The following RASSF3 variants were observed in gnomAD, a reference collection of about 807,000 sequenced individuals.
RASSF3 encodes Ras association domain family member 3, also known as ras association domain-containing protein 3.
A neutral mutation model predicts 19.9 loss-of-function variants in RASSF3; 19 were observed. The ratio of observed to expected loss-of-function variants is 0.96; its 90% confidence interval spans 0.67 to 1.40. RASSF3 has a LOEUF of 1.40. Among genes scored for constraint, RASSF3 ranks in the 40% most tolerant of loss-of-function variants. The pLI is 0.00. For missense variants in RASSF3, 306 were observed against 289.8 expected (o/e 1.06, Z -0.41); for synonymous variants, 110 against 104.2 (o/e 1.06, Z -0.34).
chr12:64,518,120 GAT>G (rs1378095708), intron 1 of RASSF3, among the ~76,000 whole-genome samples: 1 of 151,972 alleles, frequency 6.6e-6, no homozygotes, highest in Non-Finnish European at 1.5e-5. Flanking sequence ...TAATTAAAAA[GAT>G]AAAAAATTAA....
intron 1 of RASSF3, among the ~76,000 whole-genome samples, chr12:64,526,792 T>C (rs1868598192): frequency 6.6e-6 from 1 of 152,188 alleles, no homozygotes; most frequent in African/African-American, 2.4e-5. Context: ...GTGATCCTCT[T>C]GCCTTAGCCT....
chr12:64,517,662 G>A (rs951830498), intron 1 of RASSF3, among the ~76,000 whole-genome samples: 7 of 150,872 alleles, frequency 4.6e-5, no homozygotes, highest in East Asian at 3.9e-4. Context: ...TCTGTCACCC[G>A]GGCTGGGGTA....
At chr12:64,584,449 A>G (rs1869757279) in intron 2 of RASSF3, among the ~76,000 whole-genome samples, 1 of 142,722 alleles carries the variant, frequency 7.0e-6, no homozygotes, top group Non-Finnish European at 1.5e-5. Context: ...TCTCTCATCC[A>G]CTTTTTATAC....
chr12:64,658,106 G>T (rs551064085), intron 1 of RASSF3, among the ~76,000 whole-genome samples: 3 of 152,112 alleles, frequency 2.0e-5, no homozygotes, highest in African/African-American at 7.2e-5. Context: ...TAGAAGTGTG[G>T]GTGGTGTTAT....
rs1201651720 is a variant in RASSF3, at chr12:64,645,954, C to T, written c.111+35211C>T. Reference sequence around the variant, plus strand: ...CTTTTATCACCCTGAGTTAATGTTGCCGCATCTTGAACTTCATATAAGTAA... The same window carrying T: ...CTTTTATCACCCTGAGTTAATGTTGTCGCATCTTGAACTTCATATAAGTAA... On this transcript the variant is annotated intron_variant, in intron 1 of 4. Coordinates refer to ENST00000542104, the MANE Select transcript of RASSF3 (RefSeq NM_178169.4). Among the ~76,000 whole-genome samples the T allele has an allele frequency of 2.6e-5, 4 of 152,204 alleles. 1 individual carries two copies. Among genetic ancestry groups the T allele is most frequent in the Admixed American group, 2.0e-4 (3 of 15,282 alleles).
chr12:64,694,497 T>C (rs1461087479), intron 4 of RASSF3, among the ~76,000 whole-genome samples: 1 of 152,120 alleles, frequency 6.6e-6, no homozygotes, highest in East Asian at 1.9e-4. Context: ...CCAATAGACT[T>C]AGGGATATGG....
intron 1 of RASSF3, 116 bp downstream of exon 1, chr12:64,610,859 AAGG>A (rs1311568460): frequency 1.8e-6 from 1 of 554,350 alleles, no homozygotes; most frequent in African/African-American, 2.0e-5. Context: ...GCTCGCCGGG[AAGG>A]AGGAGCGGGC....
At chr12:64,601,059 A>G (rs1450878761) in intron 2 of RASSF3, among the ~76,000 whole-genome samples, 1 of 152,120 alleles carries the variant, frequency 6.6e-6, no homozygotes, top group African/African-American at 2.4e-5. Flanking sequence ...AGGCCACAGT[A>G]GGAGGACTGC....
At chr12:64,689,837 AG>A (rs372430487) in intron 3 of RASSF3, among the ~76,000 whole-genome samples, 6 of 120,618 alleles carry the variant, frequency 5.0e-5, no homozygotes, top group Admixed American at 1.1e-4. Flanking sequence ...CCCAGGCTGG[AG>A]GTGCAGTGGC....
intron 1 of RASSF3, among the ~76,000 whole-genome samples, chr12:64,522,526 C>A (rs1404881150): frequency 2.0e-5 from 3 of 152,178 alleles, no homozygotes; most frequent in Non-Finnish European, 4.4e-5. Flanking sequence ...GTTACCCACA[C>A]ATAAACACTA....
In RASSF3 at chr12:64,680,247, G is replaced by A. The variant is rs151272895; in HGVS notation, c.112-4540G>A. 3.3e-4 allele frequency among the ~76,000 whole-genome samples: 50 copies of A among 152,156 alleles called. No homozygotes were observed. In the East Asian group the frequency reaches 9.3e-3, roughly 28 times the overall value. Reference sequence around the variant, plus strand: ...CAATTGGAAAGTTTTTAGAGTTAAGGGTCTTTCTCTGATGCTAAATGAAAC... The same window carrying A: ...CAATTGGAAAGTTTTTAGAGTTAAGAGTCTTTCTCTGATGCTAAATGAAAC... On this transcript the variant is annotated intron_variant, in intron 1 of 4. Transcript: ENST00000542104.
chr12:64,582,449 G>C (rs1204386139), intron 2 of RASSF3, among the ~76,000 whole-genome samples: 2 of 152,126 alleles, frequency 1.3e-5, no homozygotes, highest in South Asian at 2.1e-4. Flanking sequence ...ACTTTGAAAA[G>C]CTTTACTATT....
At chr12:64,593,630 T>C (rs1018118267) in intron 2 of RASSF3, among the ~76,000 whole-genome samples, 8 of 152,196 alleles carry the variant, frequency 5.3e-5, no homozygotes, top group Non-Finnish European at 1.2e-4. Context: ...ATAGGCCTAA[T>C]GTATATTCTA....
At position 64,691,502 on chromosome 12, in the gene RASSF3, C is replaced by T. The variant is rs373931449; in HGVS notation, c.490C>T (p.Pro164Ser). 3.1e-6 allele frequency: 5 copies of T among 1,613,914 alleles called. No individual in the cohort carries two copies. Among genetic ancestry groups the T allele is most frequent in the African/African-American group, 1.3e-5 (1 of 74,920 alleles). Reference sequence around the variant, plus strand: ...CTGCAAGCTCTCAGACCGGGAACATCCACTCTACCTGCGTTTGGTAGCAGG... The same window carrying T: ...CTGCAAGCTCTCAGACCGGGAACATTCACTCTACCTGCGTTTGGTAGCAGG... Reference protein sequence around the residue: ...YACKLSDREHPLYLRLVAGPR... With the variant: ...YACKLSDREHSLYLRLVAGPR... The change falls in exon 4 of 5, where the codon CCA (proline) becomes TCA (serine). Residue 164 changes from proline (P) to serine (S), a missense_variant. Coordinates refer to ENST00000542104, the MANE Select transcript of RASSF3 (RefSeq NM_178169.4).
chr12:64,608,375 C>T (rs1029182139), upstream of RASSF3, among the ~76,000 whole-genome samples: 1 of 152,158 alleles, frequency 6.6e-6, no homozygotes, highest in Non-Finnish European at 1.5e-5. Flanking sequence ...GACTGGAGTG[C>T]AATGGCGCCA....
intron 1 of RASSF3, among the ~76,000 whole-genome samples, chr12:64,684,090 T>G (rs1873244324): frequency 6.7e-6 from 1 of 149,626 alleles, no homozygotes; most frequent in South Asian, 2.1e-4. Flanking sequence ...TTGTAATTTT[T>G]TTTTTTTTTT....
chr12:64,553,729 C>T (rs886141911), intron 2 of RASSF3, among the ~76,000 whole-genome samples: 2 of 152,190 alleles, frequency 1.3e-5, no homozygotes, highest in Middle Eastern at 3.4e-3. Flanking sequence ...GTAATCCCAG[C>T]ACTTTGGGAG....
intron 1 of RASSF3, among the ~76,000 whole-genome samples, chr12:64,513,556 G>C (rs1466743801): frequency 6.6e-6 from 1 of 152,052 alleles, no homozygotes; most frequent in Non-Finnish European, 1.5e-5. Flanking sequence ...AGGGCCAAAG[G>C]AGATTGTGAT....
chr12:64,511,609 G>C (rs1308238618), intron 1 of RASSF3, among the ~76,000 whole-genome samples: 2 of 152,170 alleles, frequency 1.3e-5, no homozygotes, highest in African/African-American at 4.8e-5. Context: ...GGGCACTTTG[G>C]GGTTCCCAGC....
Sources: allele counts gnomAD v4.1 joint callset (sites outside exome capture counted in the v4.1 genomes callset), GRCh38; gene constraint gnomAD v4.1.1; transcripts MANE v1.5; gene names NCBI Gene and HGNC (gene_info 2026-07-23, HGNC 2026-07-21).